The following SGCZ variants were observed in gnomAD, a reference collection of about 807,000 sequenced individuals.
SGCZ encodes sarcoglycan zeta.
In SGCZ, 40 loss-of-function variants were observed where a neutral mutation model predicts 41.3. That is an observed-to-expected ratio of 0.97 (90% CI 0.75 to 1.26). The LOEUF (loss-of-function observed/expected upper bound fraction) is 1.26. SGCZ is among the 50% of genes most tolerant of loss of function. The pLI, the probability that SGCZ is intolerant of heterozygous loss-of-function variation, is 0.00. For synonymous variants in SGCZ, 206 were observed against 137.5 expected, an observed-to-expected ratio of 1.50 and a Z score of -3.49; for missense variants, 552 against 369.8, an observed-to-expected ratio of 1.49 and a Z score of -4.04.
chr8:14,216,212 C>G (rs182478712), intron 4 of SGCZ, among the ~76,000 whole-genome samples: 120 of 152,252 alleles, frequency 7.9e-4, no homozygotes, highest in Non-Finnish European at 5.9e-5. Context: ...GTTATCTAAC[C>G]TAAGCTCTTA....
At chr8:14,853,492 C>CATT (rs1431645579) in intron 1 of SGCZ, 3 of 532,976 alleles carry the variant, frequency 5.6e-6, no homozygotes, top group Non-Finnish European at 7.7e-6. Flanking sequence ...AAGCCACAAT[C>CATT]ACCTTCTGAT....
At chr8:14,594,582 T>G (rs546962867) in intron 1 of SGCZ, among the ~76,000 whole-genome samples, 1 of 150,442 alleles carries the variant, frequency 6.6e-6, no homozygotes, top group African/African-American at 2.5e-5. Context: ...GCAAGCAGTT[T>G]ATGTCTATGG....
chr8:14,593,110 C>A (rs1212315589), intron 1 of SGCZ, among the ~76,000 whole-genome samples: 1 of 152,084 alleles, frequency 6.6e-6, no homozygotes, highest in African/African-American at 2.4e-5. Context: ...TGTCCAGATT[C>A]CAATGCCTAG....
chr8:14,589,561 A>G (rs1340904388), intron 1 of SGCZ, among the ~76,000 whole-genome samples: 1 of 152,142 alleles, frequency 6.6e-6, no homozygotes, highest in Non-Finnish European at 1.5e-5. Flanking sequence ...TGAGCAAATT[A>G]CTTGATCTCT....
At chr8:14,769,150 A>G (rs1800143497) in intron 1 of SGCZ, among the ~76,000 whole-genome samples, 1 of 152,112 alleles carries the variant, frequency 6.6e-6, no homozygotes, top group Non-Finnish European at 1.5e-5. Context: ...TAGCAGAAAA[A>G]CCTTTAGGGA....
intron 2 of SGCZ, among the ~76,000 whole-genome samples, chr8:14,469,811 A>G (rs971725326): frequency 4.6e-5 from 7 of 152,120 alleles, no homozygotes; most frequent in Non-Finnish European, 7.4e-5. Flanking sequence ...GTCTTAGGAG[A>G]GCTTCTGAAG....
chr8:14,835,758 A>C (rs771049616), intron 1 of SGCZ, among the ~76,000 whole-genome samples: 27 of 152,222 alleles, frequency 1.8e-4, no homozygotes, highest in Non-Finnish European at 2.9e-4. Context: ...ATGTATTTAC[A>C]TTCCTGAGGC....
chr8:14,169,462 T>C (rs1328350403), intron 4 of SGCZ, among the ~76,000 whole-genome samples: 2 of 152,142 alleles, frequency 1.3e-5, no homozygotes, highest in South Asian at 2.1e-4. Context: ...GGGCCAATCC[T>C]TGATTTTTTA....
At chr8:15,003,563 A>C (rs1368270126) in intron 1 of SGCZ, among the ~76,000 whole-genome samples, 1 of 152,218 alleles carries the variant, frequency 6.6e-6, no homozygotes, top group Non-Finnish European at 1.5e-5. Flanking sequence ...TAGAAAATGG[A>C]ATGTGTTGAC....
chr8:14,628,361 G>A (rs552461120), intron 1 of SGCZ, among the ~76,000 whole-genome samples: 12 of 151,914 alleles, frequency 7.9e-5, no homozygotes, highest in East Asian at 3.9e-4. Context: ...CCCTCTAATC[G>A]GATTAGAGCA....
intron 1 of SGCZ, among the ~76,000 whole-genome samples, chr8:15,149,268 C>T (rs1395167240): frequency 6.6e-6 from 1 of 152,072 alleles, no homozygotes; most frequent in Non-Finnish European, 1.5e-5. Flanking sequence ...AGGGACAGGG[C>T]TGAAATTTGA....
At chr8:14,881,830 G>A (rs1585345657) in intron 1 of SGCZ, among the ~76,000 whole-genome samples, 1 of 152,154 alleles carries the variant, frequency 6.6e-6, no homozygotes, top group Non-Finnish European at 1.5e-5. Flanking sequence ...GCAATTGGAA[G>A]TAAAACACTC....
In SGCZ at chr8:15,237,749, A is replaced by G. The variant is rs1802188438; in HGVS notation, c.-126T>C. The G allele has an allele frequency of 2.2e-6, 2 of 913,214 alleles. No homozygotes were observed. Among genetic ancestry groups the G allele is most frequent in the Admixed American group, 4.4e-5 (2 of 45,142 alleles). 56.6% of individuals were successfully genotyped at this position (913,214 alleles called of 1,614,324 possible). On this transcript the variant is annotated 5_prime_UTR_variant, in exon 1 of 8. It removes an upstream start codon present in the reference 5' UTR. Transcript: ENST00000382080. ...AGCCCCGGCAGCTCCTCTCAGTCTC[A>G]TTCTCCGTGGTCACGCCGCCTCCAC...
chr8:14,178,498 T>A (rs976112308), intron 4 of SGCZ, among the ~76,000 whole-genome samples: 2 of 152,122 alleles, frequency 1.3e-5, no homozygotes, highest in Non-Finnish European at 2.9e-5. Flanking sequence ...AAATAATGAG[T>A]TTATGATGCT....
At chr8:14,171,333 C>A (rs1453961706) in intron 4 of SGCZ, among the ~76,000 whole-genome samples, 2 of 151,920 alleles carry the variant, frequency 1.3e-5, no homozygotes, top group African/African-American at 4.8e-5. Context: ...AAAAAGAGAT[C>A]TTCATGTTGC....
intron 2 of SGCZ, among the ~76,000 whole-genome samples, chr8:14,395,720 T>A (rs1798900353): frequency 6.6e-6 from 1 of 152,162 alleles, no homozygotes; most frequent in Admixed American, 6.5e-5. Flanking sequence ...GTGGGCTACT[T>A]GTTGAATGAA....
At chr8:15,038,782 A>C (rs1378638668) in intron 1 of SGCZ, among the ~76,000 whole-genome samples, 1 of 149,188 alleles carries the variant, frequency 6.7e-6, no homozygotes, top group Non-Finnish European at 1.5e-5. Context: ...ACCTGATTAG[A>C]GAATGGGCAA....
At chr8:15,104,459 A>C (rs1806740315) in intron 1 of SGCZ, among the ~76,000 whole-genome samples, 1 of 152,252 alleles carries the variant, frequency 6.6e-6, no homozygotes, top group Non-Finnish European at 1.5e-5. Flanking sequence ...CACTTTAAAA[A>C]AACTAAAGTA....
intron 1 of SGCZ, among the ~76,000 whole-genome samples, chr8:14,872,028 A>G: frequency 6.6e-6 from 1 of 151,914 alleles, no homozygotes; most frequent in Non-Finnish European, 1.5e-5. Context: ...GGAACATGGA[A>G]GAAGCTGGAA....
Sources: allele counts gnomAD v4.1 joint callset (sites outside exome capture counted in the v4.1 genomes callset), GRCh38; gene constraint gnomAD v4.1.1; transcripts MANE v1.5; gene names NCBI Gene and HGNC (gene_info 2026-07-23, HGNC 2026-07-21).